The following NTN4 variants were observed in gnomAD, a reference collection of about 807,000 sequenced individuals.
The protein encoded by NTN4 is netrin 4, also known as netrin-4.
A neutral mutation model predicts 73.6 loss-of-function variants in NTN4; 32 were observed. That is an observed-to-expected ratio of 0.44 (90% CI 0.33 to 0.58). The LOEUF is 0.58. Among genes scored for constraint, NTN4 ranks in the 20% least tolerant of loss-of-function variants. NTN4 has a pLI of 0.04. For synonymous variants in NTN4, 258 were observed against 287.5 expected, an observed-to-expected ratio of 0.90 and a Z score of 1.04; for missense variants, 654 against 798.3, an observed-to-expected ratio of 0.82 and a Z score of 2.18.
intron 2 of NTN4, among the ~76,000 whole-genome samples, chr12:95,749,506 A>T (rs983616644): frequency 6.6e-6 from 1 of 151,858 alleles, no homozygotes; most frequent in African/African-American, 2.4e-5. Context: ...CCACTCTTCA[A>T]TCTCTCCCTT....
At chr12:95,666,201 A>G (rs1410844090) in intron 8 of NTN4, among the ~76,000 whole-genome samples, 1 of 152,188 alleles carries the variant, frequency 6.6e-6, no homozygotes, top group Admixed American at 6.5e-5. Flanking sequence ...TTATATTCTC[A>G]TTTGTAAGTG....
intron 2 of NTN4, among the ~76,000 whole-genome samples, chr12:95,774,188 A>T (rs1370138446): frequency 4.1e-5 from 6 of 146,036 alleles, no homozygotes; most frequent in African/African-American, 1.6e-4. Context: ...TTTTTTTTTA[A>T]AAAAAAAAGA....
At chr12:95,704,799 A>G (rs1296389706) in intron 5 of NTN4, among the ~76,000 whole-genome samples, 1 of 152,174 alleles carries the variant, frequency 6.6e-6, no homozygotes, top group Middle Eastern at 3.2e-3. Context: ...GTATCCTGGA[A>G]TAGTCACAAA....
chr12:95,715,751 G>C (rs1184883663), intron 3 of NTN4, among the ~76,000 whole-genome samples: 1 of 152,028 alleles, frequency 6.6e-6, no homozygotes, highest in Non-Finnish European at 1.5e-5. Flanking sequence ...ATGAAGTAGA[G>C]ATGCCTCAGA....
At chr12:95,780,542 AT>A (rs1481664923) in intron 2 of NTN4, among the ~76,000 whole-genome samples, 1 of 152,244 alleles carries the variant, frequency 6.6e-6, no homozygotes, top group African/African-American at 2.4e-5. Context: ...CAAAAGACAC[AT>A]GAAAAAATGC....
intron 2 of NTN4, among the ~76,000 whole-genome samples, chr12:95,757,648 T>A (rs1199496690): frequency 8.7e-5 from 13 of 149,456 alleles, no homozygotes; most frequent in Non-Finnish European, 1.8e-4. Flanking sequence ...GGGGGCCATC[T>A]ATGGTTAGAG....
At chr12:95,750,116 C>T (rs189842852) in intron 2 of NTN4, among the ~76,000 whole-genome samples, 71 of 151,738 alleles carry the variant, frequency 4.7e-4, no homozygotes, top group African/African-American at 1.5e-3. Context: ...CTTATTTCCA[C>T]GCCCCTACCT....
chr12:95,682,893 G>C, intron 6 of NTN4, 71 bp from the exon 7 acceptor site: 1 of 877,882 alleles, frequency 1.1e-6, no homozygotes, highest in Non-Finnish European at 1.9e-6. Flanking sequence ...TGAATCTATA[G>C]AGATTTAAAC....
chr12:95,790,928 C>CCG (rs1555222865), upstream of NTN4, among the ~76,000 whole-genome samples: 1 of 117,128 alleles, frequency 8.5e-6, no homozygotes, highest in Non-Finnish European at 1.7e-5. This position sits in a 1 kb window ranked among gnomAD's most constrained non-coding sequence, Gnocchi z 6.5. Flanking sequence ...CGCTGCCGCC[C>CCG]GGGGGGGGGG....
At chr12:95,693,735 GAAAAA>G (rs11327868) in intron 5 of NTN4, among the ~76,000 whole-genome samples, 2 of 118,182 alleles carry the variant, frequency 1.7e-5, no homozygotes, top group African/African-American at 6.3e-5. Flanking sequence ...TGTCTCAATT[GAAAAA>G]AAAAAAAAAA....
At chr12:95,755,572 T>C (rs2078942051) in intron 2 of NTN4, among the ~76,000 whole-genome samples, 1 of 152,188 alleles carries the variant, frequency 6.6e-6, no homozygotes, top group Non-Finnish European at 1.5e-5. Flanking sequence ...CTCTGGAGCA[T>C]TCGGCACCCT....
chr12:95,665,883 A>T lies in NTN4; in HGVS notation c.1677T>A (p.Ile559=), dbSNP rs775919046. The T allele has an allele frequency of 6.2e-7, 1 of 1,614,018 alleles. No individual in the cohort carries two copies. Among genetic ancestry groups the T allele is most frequent in the Non-Finnish European group, 8.5e-7 (1 of 1,179,914 alleles). Residue 559 remains isoleucine, a synonymous_variant, in exon 9 of 10, where the codon ATT becomes ATA. Transcript: ENST00000343702. ...GATATAATGTTCGCTTTCCTCGGAA[A>T]ATCTTCAGTTTGGTAGATTTTAAGA... The part of the protein sequence containing the change: ...KKVLKSTKLK[I]FRGKRTLYPE...
At chr12:95,759,180 C>T (rs141599832) in intron 2 of NTN4, among the ~76,000 whole-genome samples, 172 of 152,152 alleles carry the variant, frequency 1.1e-3, no homozygotes, top group South Asian at 3.7e-3. Context: ...TTCTTTACAG[C>T]TTGTTTTATT....
At chr12:95,693,872 G>A (rs896199028) in intron 5 of NTN4, among the ~76,000 whole-genome samples, 4 of 151,900 alleles carry the variant, frequency 2.6e-5, no homozygotes, top group African/African-American at 7.3e-5. Context: ...GAGTCACAGC[G>A]GTCAACCTGC....
intron 2 of NTN4, among the ~76,000 whole-genome samples, chr12:95,785,122 A>AT (rs2079158393): frequency 6.6e-6 from 1 of 152,172 alleles, no homozygotes; most frequent in Non-Finnish European, 1.5e-5. Flanking sequence ...TACTATAGTC[A>AT]TCTTTAAATA....
rs1339424777 is a variant in NTN4 at position 95,738,088 on chromosome 12, T to G, written c.642A>C (p.Lys214Asn). ...PYDTENPYSA[K>N]VQEQLKITNL... Reference sequence around the variant, plus strand: ...TGGTGATCTTCAGCTGCTCCTGAACTTTGGCACTGTAAGGGTTCTCTGTAT... The same window carrying G: ...TGGTGATCTTCAGCTGCTCCTGAACGTTGGCACTGTAAGGGTTCTCTGTAT... The change falls in exon 3 of 10, where the codon AAA becomes AAC. Residue 214 changes from lysine (K) to asparagine (N), a missense_variant. Lys to Asn is a moderately conservative substitution (Grantham distance 94). Transcript: ENST00000343702. 1 of 1,614,004 alleles carries G rather than the reference T, an allele frequency of 6.2e-7. No homozygotes were observed. The highest frequency in any genetic ancestry group is 1.3e-5 in the African/African-American group (1 of 74,920).
In NTN4 at chr12:95,787,158, T is replaced by C. The variant is rs757962372; in HGVS notation, c.366A>G (p.Glu122=). The change falls in exon 2 of 10, where the codon GAA becomes GAG. Residue 122 remains glutamate (E), a synonymous_variant. Coordinates refer to ENST00000343702, the MANE Select transcript of NTN4 (RefSeq NM_021229.4). ...TTAGGTGAGTGAAGTAGAATTCAGC[T>C]TCCAGGTCTAACTGGATCTTTTCTC... The part of the protein sequence containing the change: ...VHREKIQLDL[E]AEFYFTHLIV... The C allele has an allele frequency of 4.3e-6, 7 of 1,614,074 alleles. No homozygotes were observed. In the South Asian group the frequency reaches 7.7e-5, roughly 18 times the overall value.
chr12:95,765,555 A>T (rs758985292), intron 2 of NTN4, among the ~76,000 whole-genome samples: 31 of 152,278 alleles, frequency 2.0e-4, no homozygotes, highest in South Asian at 6.2e-4. Context: ...TGCTCTAAAG[A>T]TGTATTTGTA....
chr12:95,752,768 C>G (rs2078919532), intron 2 of NTN4, among the ~76,000 whole-genome samples: 1 of 152,234 alleles, frequency 6.6e-6, no homozygotes, highest in Non-Finnish European at 1.5e-5. Flanking sequence ...TCTGTCCAAA[C>G]AACTTGACCT....
Sources: gnomAD v4.1 joint callset for allele counts (sites outside exome capture counted in the v4.1 genomes callset) on GRCh38, gnomAD v4.1.1 for gene constraint, Gnocchi (gnomAD v3.1) non-coding constraint, MANE v1.5 for transcripts, NCBI Gene and HGNC (gene_info 2026-07-23, HGNC 2026-07-21) for gene names.